Variants in CERS1 observed in about 807,000 individuals in gnomAD.
CERS1 encodes ceramide synthase 1.
CERS1 carries 16 observed loss-of-function variants against 35.7 expected under a neutral mutation model. That is an observed-to-expected ratio of 0.45 (90% confidence interval 0.30 to 0.68). The LOEUF is 0.68. CERS1 is among the 30% of genes least tolerant of loss of function. The pLI is 0.08. For missense variants in CERS1, 454 were observed against 453.9 expected (o/e 1.00, Z 0.00); for synonymous variants, 243 against 201.6 (o/e 1.21, Z -1.74).
At chr19:18,891,890 C>G (rs2056499894) in intron 2 of CERS1, among the ~76,000 whole-genome samples, 1 of 148,208 alleles carries the variant, frequency 6.7e-6, no homozygotes, top group Non-Finnish European at 1.5e-5. Flanking sequence ...ACTTCTCATT[C>G]TCATCTTTTT....
At chr19:18,890,580 C>A (rs1353611254) in intron 2 of CERS1, among the ~76,000 whole-genome samples, 1 of 151,412 alleles carries the variant, frequency 6.6e-6, no homozygotes, top group Non-Finnish European at 1.5e-5. Flanking sequence ...GAGTTCAAGA[C>A]CAGCCTGGCC....
chr19:18,875,951 C>A (rs1392728530), intron 6 of CERS1, among the ~76,000 whole-genome samples: 1 of 152,210 alleles, frequency 6.6e-6, no homozygotes, highest in Non-Finnish European at 1.5e-5. Context: ...TTTTGAACAT[C>A]TGTCATCCAG....
rs563751310 is a variant in CERS1 at position 18,886,429 on chromosome 19, G to A, written c.410-2162C>T. On this transcript the variant is annotated intron_variant, in intron 2 of 7. Coordinates refer to ENST00000623882, the MANE Select transcript of CERS1 (RefSeq NM_021267.5). ...CCGGGTGTGGTGGTGGGCGCCTGTG[G>A]TCCCAGCTACTCGGGAGGCTGAGGT... is the stretch of plus-strand genomic sequence containing the variant. Among the ~76,000 whole-genome samples the A allele has an allele frequency of 1.2e-4, 19 of 152,062 alleles. No individual in the cohort carries two copies. The South Asian group carries it at 4.0e-3, about 32-fold the overall frequency.
intron 7 of CERS1, 144 bp downstream of exon 7, chr19:18,869,839 G>T: frequency 1.3e-6 from 1 of 755,488 alleles, no homozygotes; most frequent in South Asian, 1.5e-5. Context: ...GAAAGGGTGA[G>T]GTGCGGTGGC....
intron 2 of CERS1, among the ~76,000 whole-genome samples, chr19:18,889,388 G>C (rs996183519): frequency 6.6e-6 from 1 of 152,036 alleles, no homozygotes; most frequent in Non-Finnish European, 1.5e-5. Context: ...TAGGGGGGAA[G>C]TCCTGGCTTA....
intron 2 of CERS1, among the ~76,000 whole-genome samples, chr19:18,893,193 G>GT (rs1296759662): frequency 6.6e-6 from 1 of 151,120 alleles, no homozygotes; most frequent in Non-Finnish European, 1.5e-5. Flanking sequence ...GATTACAGGC[G>GT]TGAGCCACTG....
At chr19:18,893,213 C>T (rs942318136) in intron 2 of CERS1, among the ~76,000 whole-genome samples, 1 of 151,190 alleles carries the variant, frequency 6.6e-6, no homozygotes, top group Non-Finnish European at 1.5e-5. Flanking sequence ...GCGCCTGGCC[C>T]TCTTTTTCTT....
intron 6 of CERS1, among the ~76,000 whole-genome samples, chr19:18,874,821 G>T (rs918727876): frequency 1.3e-5 from 2 of 152,178 alleles, no homozygotes; most frequent in African/African-American, 4.8e-5. Context: ...AAGCAGCAAT[G>T]GGGTGAGATG....
At position 18,869,113 on chromosome 19, in the gene CERS1, GGCGCCCAGCA is replaced by G; in HGVS notation, c.*862_*871del. On this transcript the variant is annotated 3_prime_UTR_variant, in exon 8 of 8. Coordinates refer to ENST00000623882, the MANE Select transcript of CERS1 (RefSeq NM_021267.5). ...GCCATGAGGCGTTGCGAGCCCAAGC[GGCGCCCAGCA>G]GCTCCGCGCGCACTGGCGGCCCCAG... 1 of 1,085,042 alleles carries G rather than the reference GGCGCCCAGCA, an allele frequency of 9.2e-7. No homozygotes were observed. The highest frequency in any genetic ancestry group is 1.1e-6 in the Non-Finnish European group (1 of 893,164). The allele number at this position is 1,085,042 out of a possible 1,614,324, so 67.2% of individuals were successfully genotyped here. A position where few individuals can be genotyped will look rare whatever the true frequency, so the allele number is the denominator to read the frequency against.
intron 2 of CERS1, among the ~76,000 whole-genome samples, chr19:18,887,778 T>C (rs897989084): frequency 1.3e-5 from 2 of 151,706 alleles, no homozygotes; most frequent in African/African-American, 2.4e-5. Context: ...TTAAGATTTA[T>C]ATGGCAAAAA....
intron 6 of CERS1, among the ~76,000 whole-genome samples, chr19:18,871,763 G>A (rs1029053160): frequency 6.6e-6 from 1 of 152,214 alleles, no homozygotes; most frequent in Non-Finnish European, 1.5e-5. Flanking sequence ...TCTGAGAGGA[G>A]ATAAGCCTTG....
rs2055934340 is a variant in CERS1, at chr19:18,869,921, C to T, written c.*594+62G>A. The T allele has an allele frequency of 4.7e-6, 7 of 1,501,062 alleles. No individual in the cohort carries two copies. The Admixed American group carries it at 1.4e-4, about 29-fold the overall frequency. 93.0% of individuals were successfully genotyped at this position (1,501,062 alleles called of 1,614,324 possible). ...TGCTCGGGCATCCCCGGGCCACTCT[C>T]GAGGCTCGCCCTGCGAGGTCTGGCC... is the stretch of plus-strand genomic sequence containing the variant. On this transcript the variant is annotated intron_variant, in intron 7 of 7. Transcript: ENST00000623882.
intron 2 of CERS1, among the ~76,000 whole-genome samples, chr19:18,890,558 G>C (rs1310866191): frequency 6.6e-6 from 1 of 151,410 alleles, no homozygotes; most frequent in Non-Finnish European, 1.5e-5. Context: ...TGGGAGGACT[G>C]CTTGAGGCCA....
Position 18,895,190 on chromosome 19 carries a change from G to A in CERS1, c.249+634C>T, listed in dbSNP as rs2056594652. ...CAGGCCCTTGCCATCCCTGGTCGGAGGGTGGCGCTGACCCCAGATAGGCAC... is the reference window on the plus strand; with the variant it reads ...CAGGCCCTTGCCATCCCTGGTCGGAAGGTGGCGCTGACCCCAGATAGGCAC... On this transcript the variant is annotated intron_variant, in intron 1 of 7. Transcript: ENST00000623882. The surrounding 1 kb of genome is among the most constrained non-coding windows in gnomAD (Gnocchi z 6.4). Among the ~76,000 whole-genome samples the A allele has an allele frequency of 6.6e-6, 1 of 152,244 alleles. No individual in the cohort carries two copies. The highest frequency in any genetic ancestry group is 6.5e-5 in the Admixed American group (1 of 15,292).
chr19:18,873,969 G>A (rs2056019630), intron 6 of CERS1, among the ~76,000 whole-genome samples: 1 of 152,110 alleles, frequency 6.6e-6, no homozygotes, highest in Admixed American at 6.6e-5. Flanking sequence ...CTGGGTTTGA[G>A]GAGGACCCAG....
intron 6 of CERS1, among the ~76,000 whole-genome samples, chr19:18,875,536 C>T (rs898266392): frequency 3.4e-5 from 5 of 149,140 alleles, no homozygotes; most frequent in African/African-American, 1.2e-4. Flanking sequence ...GAGCGAGACA[C>T]TGTCTCAAAA....
chr19:18,891,054 G>A (rs1216991054), intron 2 of CERS1, among the ~76,000 whole-genome samples: 1 of 151,920 alleles, frequency 6.6e-6, no homozygotes, highest in Non-Finnish European at 1.5e-5. Flanking sequence ...AACCTGGGAG[G>A]TGGAGATTGC....
rs577523638 is a variant in CERS1 at position 18,868,592 on chromosome 19, C to G, written c.*1393G>C. 2.0e-4 allele frequency: 310 copies of G among 1,552,424 alleles called. 4 individuals are homozygous for G. In the South Asian group the frequency reaches 3.5e-3, roughly 18 times the overall value. ...TGTTGGGCCCGCGTCCCTGCCCGCC[C>G]CGGGTTAGCGGCAGCCGCACTCGTC... On this transcript the variant is annotated 3_prime_UTR_variant, in exon 8 of 8. Coordinates refer to ENST00000623882, the MANE Select transcript of CERS1 (RefSeq NM_021267.5).
intron 6 of CERS1, among the ~76,000 whole-genome samples, chr19:18,876,398 G>A (rs2056061155): frequency 6.6e-6 from 1 of 151,700 alleles, no homozygotes; most frequent in Non-Finnish European, 1.5e-5. Flanking sequence ...TGTTGCTCTG[G>A]AGTATAGTGG....
Sources: allele counts gnomAD v4.1 joint callset (sites outside exome capture counted in the v4.1 genomes callset), GRCh38; gene constraint gnomAD v4.1.1; non-coding constraint Gnocchi (gnomAD v3.1); transcripts MANE v1.5; gene names NCBI Gene and HGNC (gene_info 2026-07-23, HGNC 2026-07-21).